PIGO: variants seen among roughly 807,000 people sequenced by gnomAD.
PIGO encodes the protein phosphatidylinositol glycan anchor biosynthesis class O.
In PIGO, 66 loss-of-function variants were observed where a neutral mutation model predicts 86.9. That is an observed-to-expected ratio of 0.76 (90% CI 0.62 to 0.93). PIGO has a LOEUF of 0.93. Ranked by LOEUF, PIGO falls within the 40% of genes least tolerant of loss-of-function variation. PIGO has a pLI of 0.00. For synonymous variants in PIGO, 570 were observed against 556.4 expected (o/e 1.02, Z -0.34); for missense variants, 1,202 against 1,359.1 (o/e 0.88, Z 1.82).
At position 35,091,526 on chromosome 9, in the gene PIGO, G is replaced by A. The variant is rs144233446; in HGVS notation, c.2361C>T (p.Pro787=). Residue 787 remains proline, a synonymous_variant, in exon 7 of 11, where the codon CCC becomes CCT. Transcript: ENST00000378617. ...CATAATCCAAGTCAGCTTGAGAAGT[G>A]GGGGGGCCTGAGAAGGGAGTGAGGA... ...RTVLTPFSGP[P]TSQADLDYVV... The A allele has an allele frequency of 1.4e-5, 23 of 1,613,988 alleles. No individual in the cohort carries two copies. The highest frequency in any genetic ancestry group is 9.9e-5 in the South Asian group (9 of 91,088).
rs1436842712 is a variant in PIGO at position 35,092,318 on chromosome 9, G to A, written c.1569C>T (p.Leu523=). The part of the protein sequence containing the change: ...LGAVAAVSSF[L]PFLWKAWAGW... ...CAGCCCAGGCTTTCCACAGAAAAGG[G>A]AGGAATGAGCTCACTGCAGCCACAG... Residue 523 remains leucine (L), a synonymous_variant, in exon 7 of 11, where the codon CTC becomes CTT. Coordinates refer to ENST00000378617, the MANE Select transcript of PIGO (RefSeq NM_032634.4). The A allele has an allele frequency of 1.2e-6, 2 of 1,614,218 alleles. No homozygotes were observed. Among genetic ancestry groups the A allele is most frequent in the African/African-American group, 1.3e-5 (1 of 75,066 alleles).
Position 35,089,066 on chromosome 9 carries a change from C to G in PIGO, c.*26G>C. 6.2e-7 allele frequency: 1 copy of G among 1,613,740 alleles called. No homozygotes were observed. Among genetic ancestry groups the G allele is most frequent in the Non-Finnish European group, 8.5e-7 (1 of 1,179,922 alleles). ...CACTGTTCTCAAGCACTCTCTGTAG[C>G]CAAGTGCCAGTAATCACAGACTAGG... On this transcript the variant is annotated 3_prime_UTR_variant, in exon 11 of 11. Transcript: ENST00000378617.
At position 35,092,635 on chromosome 9, in the gene PIGO, C is replaced by T; in HGVS notation, c.1252G>A (p.Glu418Lys). 6.2e-7 allele frequency: 1 copy of T among 1,614,248 alleles called. No homozygotes were observed. The highest frequency in any genetic ancestry group is 1.7e-5 in the Admixed American group (1 of 60,036). The change falls in exon 7 of 11, where the codon GAG becomes AAG. Residue 418 changes from glutamate to lysine, a missense_variant. Coordinates refer to ENST00000378617, the MANE Select transcript of PIGO (RefSeq NM_032634.4). ...GCAATCACAGTCGGCAGTGTCGCCT[C>T]AGCCCCCTTGGGGCTCTGGAGAAGC... The part of the protein sequence containing the change: ...QWLLQSPKGA[E>K]ATLPTVIAEL...
intron 9 of PIGO, 36 bp downstream of exon 9, chr9:35,090,030 A>G (rs1477353426): frequency 2.5e-6 from 4 of 1,590,646 alleles, no homozygotes; most frequent in Non-Finnish European, 3.4e-6. Flanking sequence ...ACACAGAGAA[A>G]AAACACCAAC....
At position 35,092,529 on chromosome 9, in the gene PIGO, C is replaced by G. The variant is rs1470138559; in HGVS notation, c.1358G>C (p.Gly453Ala). 6.2e-7 allele frequency: 1 copy of G among 1,614,186 alleles called. No homozygotes were observed. Among genetic ancestry groups the G allele is most frequent in the Non-Finnish European group, 8.5e-7 (1 of 1,180,002 alleles). Residue 453 changes from glycine to alanine, a missense_variant, in exon 7 of 11, where the codon GGG (glycine) becomes GCG (alanine). Gly to Ala is a moderately conservative substitution (Grantham distance 60). Transcript: ENST00000378617. ...GGAAGCAGCCAAGAGAGCAGTACCCCCCGCCATGCGGACCAGAGAGAAACG... is the reference window on the plus strand; with the variant it reads ...GGAAGCAGCCAAGAGAGCAGTACCCGCCGCCATGCGGACCAGAGAGAAACG... ...WARFSLVRMAGGTALLAASCF... is the reference protein window; with the variant it reads ...WARFSLVRMAAGTALLAASCF...
rs1176763359 is a variant in PIGO at position 35,092,360 on chromosome 9, A to G, written c.1527T>C (p.Asp509=). The change falls in exon 7 of 11, where the codon GAT becomes GAC. Residue 509 remains aspartate (D), a synonymous_variant. Transcript: ENST00000378617. ...GLLGTIELKL[D]LVLLGAVAAV... is the part of the protein sequence containing the mutation. ...CAGCCACAGCCCCTAGAAGCACTAG[A>G]TCTAGCTTCAGCTCAATAGTTCCCA... The G allele has an allele frequency of 1.9e-6, 3 of 1,614,124 alleles. No individual in the cohort carries two copies. Among genetic ancestry groups the G allele is most frequent in the Non-Finnish European group, 2.5e-6 (3 of 1,180,048 alleles).
intron 2 of PIGO, 102 bp from the exon 3 acceptor site, chr9:35,094,461 G>A (rs1442404614): frequency 4.1e-5 from 54 of 1,329,418 alleles, no homozygotes; most frequent in Non-Finnish European, 5.6e-5. Context: ...TCCCAACCAT[G>A]CAACCTAAAG....
chr9:35,090,854 G>A (rs760442485), intron 7 of PIGO, 182 bp from the exon 8 acceptor site: 42 of 645,644 alleles, frequency 6.5e-5, no homozygotes, highest in Non-Finnish European at 9.0e-5. Context: ...GTACAAAAGC[G>A]CCATCAGGCT....
Position 35,091,461 on chromosome 9 carries a change from C to T in PIGO, c.2426G>A (p.Arg809Gln), listed in dbSNP as rs757836072. ...QIYRHMQEEF[R>Q]GRLERTKSQG... is the part of the protein sequence containing the mutation. ...AGATTTGGTCCTCTCTAACCGGCCC[C>T]GGAACTCCTCCTGCATGTGTCGGTA... Residue 809 changes from arginine to glutamine, a missense_variant, in exon 7 of 11, where the codon CGG (arginine) becomes CAG (glutamine). Arg to Gln is a conservative substitution (Grantham distance 43, BLOSUM62 1). Coordinates refer to ENST00000378617, the MANE Select transcript of PIGO (RefSeq NM_032634.4). 1.1e-5 allele frequency: 17 copies of T among 1,614,084 alleles called. No homozygotes were observed. Among genetic ancestry groups the T allele is most frequent in the East Asian group, 2.2e-5 (1 of 44,898 alleles).
Position 35,090,424 on chromosome 9 carries a change from G to C in PIGO, c.2854+42C>G, listed in dbSNP as rs749839289. On this transcript the variant is annotated intron_variant, in intron 8 of 10. Coordinates refer to ENST00000378617, the MANE Select transcript of PIGO (RefSeq NM_032634.4). ...CAGGGGTTTCCTTTCTTTCCACAAAGCCAGAGTAAACAATGGAAGCAAGTG... is the reference window on the plus strand; with the variant it reads ...CAGGGGTTTCCTTTCTTTCCACAAACCCAGAGTAAACAATGGAAGCAAGTG... 4.4e-6 allele frequency: 7 copies of C among 1,579,324 alleles called. No individual in the cohort carries two copies. In the Admixed American group the frequency reaches 8.9e-5, roughly 20 times the overall value.
Position 35,092,953 on chromosome 9 carries a change from G to A in PIGO, c.1119+77C>T. Reference sequence around the variant, plus strand: ...AAGGTGGGACTAAGACTAGTCAAAGGACAAAAGAGTGGTTCATTATGCTTC... The same window carrying A: ...AAGGTGGGACTAAGACTAGTCAAAGAACAAAAGAGTGGTTCATTATGCTTC... On this transcript the variant is annotated intron_variant, in intron 6 of 10. Coordinates refer to ENST00000378617, the MANE Select transcript of PIGO (RefSeq NM_032634.4). 3.3e-6 allele frequency: 5 copies of A among 1,499,204 alleles called. No homozygotes were observed. The South Asian group carries it at 6.4e-5, about 19-fold the overall frequency. The allele number at this position is 1,499,204 out of a possible 1,614,324, so 92.9% of individuals were successfully genotyped here.
At chr9:35,093,833 CTAAGA>C in intron 4 of PIGO, 63 bp downstream of exon 4, 1 of 1,584,442 alleles carries the variant, frequency 6.3e-7, no homozygotes, top group Non-Finnish European at 8.6e-7. Context: ...GAAAGAAGCT[CTAAGA>C]TAAGAGCTTC....
Position 35,092,161 on chromosome 9 carries a change from G to A in PIGO, c.1726C>T (p.Leu576Phe). 1.2e-6 allele frequency: 2 copies of A among 1,614,190 alleles called. No individual in the cohort carries two copies. Among genetic ancestry groups the A allele is most frequent in the East Asian group, 2.2e-5 (1 of 44,882 alleles). ...VVAEARATPF[L>F]LGSFILLLVV... ...AGGAGCAGGATGAATGAGCCCAAAA[G>A]GAAGGGGGTGGCCCTGGCCTCAGCT... Residue 576 changes from leucine to phenylalanine, a missense_variant, in exon 7 of 11, where the codon CTT becomes TTT. Physicochemically the swap from Leu to Phe is conservative, Grantham distance 22. Coordinates refer to ENST00000378617, the MANE Select transcript of PIGO (RefSeq NM_032634.4).
Position 35,091,643 on chromosome 9 carries a change from T to G in PIGO, c.2244A>C (p.Ala748=). ...GASMVLPRAV[A]GLAASGLALL... is the part of the protein sequence containing the mutation. Reference sequence around the variant, plus strand: ...GCGCGAGCCCTGAAGCAGCCAGCCCTGCTACAGCCCGAGGCAGCACCATGG... The same window carrying G: ...GCGCGAGCCCTGAAGCAGCCAGCCCGGCTACAGCCCGAGGCAGCACCATGG... Residue 748 remains alanine (A), a synonymous_variant, in exon 7 of 11, where the codon GCA becomes GCC. Transcript: ENST00000378617. 6.2e-7 allele frequency: 1 copy of G among 1,613,358 alleles called. No homozygotes were observed. Among genetic ancestry groups the G allele is most frequent in the Non-Finnish European group, 8.5e-7 (1 of 1,180,000 alleles).
rs1587162458 is a variant in PIGO at position 35,091,477 on chromosome 9, T to C, written c.2410A>G (p.Met804Val). The C allele has an allele frequency of 1.2e-6, 2 of 1,614,158 alleles. No homozygotes were observed. Among genetic ancestry groups the C allele is most frequent in the Non-Finnish European group, 8.5e-7 (1 of 1,180,018 alleles). ...AACCGGCCCCGGAACTCCTCCTGCA[T>C]GTGTCGGTAGATTTGAGGGACCACA... ...DYVVPQIYRH[M>V]QEEFRGRLER... Residue 804 changes from methionine to valine, a missense_variant, in exon 7 of 11, where the codon ATG (methionine) becomes GTG (valine). Physicochemically the swap from Met to Val is conservative, Grantham distance 21 (BLOSUM62 1). Transcript: ENST00000378617.
chr9:35,088,937 T>C lies in PIGO; in HGVS notation c.*155A>G, dbSNP rs1445380223. 5 of 1,034,222 alleles carry C rather than the reference T, an allele frequency of 4.8e-6. No homozygotes were observed. Among genetic ancestry groups the C allele is most frequent in the Non-Finnish European group, 5.6e-6 (4 of 711,796 alleles). 64.1% of individuals were successfully genotyped at this position (1,034,222 alleles called of 1,614,324 possible). On this transcript the variant is annotated 3_prime_UTR_variant, in exon 11 of 11. Coordinates refer to ENST00000378617, the MANE Select transcript of PIGO (RefSeq NM_032634.4). ...CATACTCCACTGTGGTCCTGAATTA[T>C]AGAATAATGAAGTCCTAGATGTCAG...
chr9:35,088,810 G>A lies in PIGO; in HGVS notation c.*282C>T. On this transcript the variant is annotated 3_prime_UTR_variant, in exon 11 of 11. Coordinates refer to ENST00000378617, the MANE Select transcript of PIGO (RefSeq NM_032634.4). ...TCCTCCCACCTCTGCCTCCCAAAGT[G>A]CTGGGATTATAGGTGCAAGTCACCA... The A allele has an allele frequency of 3.3e-6, 1 of 305,386 alleles. No individual in the cohort carries two copies. The highest frequency in any genetic ancestry group is 4.5e-5 in the South Asian group (1 of 22,134). 18.9% of individuals were successfully genotyped at this position (305,386 alleles called of 1,614,324 possible).
In PIGO at chr9:35,092,325, G is replaced by A; in HGVS notation, c.1562C>T (p.Ser521Leu). Reference sequence around the variant, plus strand: ...GGCTTTCCACAGAAAAGGGAGGAATGAGCTCACTGCAGCCACAGCCCCTAG... The same window carrying A: ...GGCTTTCCACAGAAAAGGGAGGAATAAGCTCACTGCAGCCACAGCCCCTAG... Reference protein sequence around the residue: ...VLLGAVAAVSSFLPFLWKAWA... With the variant: ...VLLGAVAAVSLFLPFLWKAWA... The change falls in exon 7 of 11, where the codon TCA (serine) becomes TTA (leucine). Residue 521 changes from serine to leucine, a missense_variant. Ser to Leu is a moderately radical substitution (Grantham distance 145). Coordinates refer to ENST00000378617, the MANE Select transcript of PIGO (RefSeq NM_032634.4). 1 of 1,614,218 alleles carries A rather than the reference G, an allele frequency of 6.2e-7. No homozygotes were observed. Among genetic ancestry groups the A allele is most frequent in the Non-Finnish European group, 8.5e-7 (1 of 1,180,048 alleles).
In PIGO at chr9:35,095,482, G is replaced by A. The variant is rs746627639; in HGVS notation, c.84C>T (p.Phe28=). 2.5e-6 allele frequency: 4 copies of A among 1,613,128 alleles called. No homozygotes were observed. Among genetic ancestry groups the A allele is most frequent in the Admixed American group, 1.7e-5 (1 of 59,938 alleles). ...YAGIALFTSG[F]LLTRLELTNH... Reference sequence around the variant, plus strand: ...TGGTGAGCTCCAAACGGGTGAGCAGGAAGCCACTGGTGAAGAGGGCAATGC... The same window carrying A: ...TGGTGAGCTCCAAACGGGTGAGCAGAAAGCCACTGGTGAAGAGGGCAATGC... Residue 28 remains phenylalanine, a synonymous_variant, in exon 2 of 11, where the codon TTC becomes TTT. Transcript: ENST00000378617.
Sources: gnomAD v4.1 joint callset for allele counts on GRCh38, gnomAD v4.1.1 for gene constraint, MANE v1.5 for transcripts, NCBI Gene and HGNC (gene_info 2026-07-23, HGNC 2026-07-21) for gene names.